ENTREP1: variants seen among roughly 807,000 people sequenced by gnomAD.
ENTREP1 encodes endosomal transmembrane epsin interactor 1.
chr9:69,354,982 C>T, the ENTREP1 span, among the ~76,000 whole-genome samples: 1 of 152,020 alleles, frequency 6.6e-6, no homozygotes, highest in South Asian at 2.1e-4. Context: ...TATATAAATT[C>T]AAGTAGTGCC....
chr9:69,377,886 G>C, the ENTREP1 span: 2 of 839,188 alleles, frequency 2.4e-6, no homozygotes, highest in East Asian at 2.8e-5. Flanking sequence ...AGGAACGTTA[G>C]CCCAATGAGT....
chr9:69,343,551 C>T, the ENTREP1 span, among the ~76,000 whole-genome samples: 3 of 152,166 alleles, frequency 2.0e-5, no homozygotes, highest in Non-Finnish European at 2.9e-5. Flanking sequence ...GGTGATCCTC[C>T]CACCTCAGCC....
chr9:69,362,184 T>G, the ENTREP1 span, among the ~76,000 whole-genome samples: 1 of 152,046 alleles, frequency 6.6e-6, no homozygotes, highest in Non-Finnish European at 1.5e-5. Context: ...AGGAGCAAAA[T>G]AAAAGTCCTT....
chr9:69,355,502 A>G, the ENTREP1 span, among the ~76,000 whole-genome samples: 2 of 152,220 alleles, frequency 1.3e-5, no homozygotes, highest in East Asian at 1.9e-4. Flanking sequence ...ACAAAGAGTC[A>G]TATAGTCTGG....
At chr9:69,368,916 T>G in the ENTREP1 span, among the ~76,000 whole-genome samples, 1 of 152,118 alleles carries the variant, frequency 6.6e-6, no homozygotes, top group Non-Finnish European at 1.5e-5. Context: ...ACACATGCCA[T>G]GATGGTTTGC....
the ENTREP1 span, among the ~76,000 whole-genome samples, chr9:69,347,329 T>C: frequency 6.6e-6 from 1 of 152,154 alleles, no homozygotes; most frequent in Non-Finnish European, 1.5e-5. Context: ...CTGTAAACAC[T>C]TGCCAAGTCC....
chr9:69,325,504 G>A, the ENTREP1 span: 1 of 956,536 alleles, frequency 1.0e-6, no homozygotes, highest in Non-Finnish European at 1.2e-6. Flanking sequence ...CTGCTGCCGG[G>A]GTGCTGGCCG....
the ENTREP1 span, among the ~76,000 whole-genome samples, chr9:69,327,595 C>T: frequency 6.7e-6 from 1 of 149,918 alleles, no homozygotes; most frequent in African/African-American, 2.5e-5. Context: ...ATCGGTCAAG[C>T]CACAGTTGAA....
chr9:69,365,932 A>T, the ENTREP1 span, among the ~76,000 whole-genome samples: 8 of 152,106 alleles, frequency 5.3e-5, no homozygotes, highest in Non-Finnish European at 1.0e-4. Context: ...TCGTCTGTTG[A>T]TGGGCATTTA....
the ENTREP1 span, among the ~76,000 whole-genome samples, chr9:69,341,772 C>T: frequency 6.6e-6 from 1 of 152,076 alleles, no homozygotes; most frequent in Admixed American, 6.6e-5. Context: ...AGCTCTCTGG[C>T]TTTGGCAGTT....
At chr9:69,329,845 C>T in the ENTREP1 span, 1 of 169,578 alleles carries the variant, frequency 5.9e-6, no homozygotes, top group Non-Finnish European at 1.0e-5. Flanking sequence ...TTAATGTTAA[C>T]TAGATTCCAC....
the ENTREP1 span, among the ~76,000 whole-genome samples, chr9:69,389,401 CTCT>C: frequency 6.6e-6 from 1 of 152,222 alleles, no homozygotes; most frequent in African/African-American, 2.4e-5. Flanking sequence ...ACCTGCTGGC[CTCT>C]TCTTACAGAA....
chr9:69,367,076 C>T, the ENTREP1 span, among the ~76,000 whole-genome samples: 46 of 145,270 alleles, frequency 3.2e-4, no homozygotes, highest in South Asian at 6.7e-3. Flanking sequence ...CCCACTACAC[C>T]TGGCTAATTA....
At chr9:69,347,857 G>T in the ENTREP1 span, among the ~76,000 whole-genome samples, 2 of 152,122 alleles carry the variant, frequency 1.3e-5, no homozygotes, top group Admixed American at 6.6e-5. Context: ...CAGGAAGAAT[G>T]ATTGATATTA....
the ENTREP1 span, chr9:69,388,129 G>T: frequency 6.2e-7 from 1 of 1,613,984 alleles, no homozygotes; most frequent in South Asian, 1.1e-5. Context: ...GTTGGCCAAT[G>T]GGTACATGTT....
the ENTREP1 span, chr9:69,383,895 G>A: frequency 6.4e-7 from 1 of 1,572,230 alleles, no homozygotes. Context: ...TGGGTCTAAT[G>A]AGGGGTGAGT....
chr9:69,329,403 T>G, the ENTREP1 span: 1 of 983,792 alleles, frequency 1.0e-6, no homozygotes, highest in Non-Finnish European at 1.2e-6. Flanking sequence ...AAGAGAGCCC[T>G]GAGCCTGAGA....
chr9:69,368,095 G>A, the ENTREP1 span, among the ~76,000 whole-genome samples: 6 of 151,614 alleles, frequency 4.0e-5, no homozygotes, highest in Non-Finnish European at 7.4e-5. Flanking sequence ...AGTCTTTTGG[G>A]GGAGTCTTTA....
the ENTREP1 span, chr9:69,377,579 G>C: frequency 6.2e-7 from 1 of 1,612,930 alleles, no homozygotes; most frequent in Non-Finnish European, 8.5e-7. Context: ...TGTAATGAAG[G>C]CTGTTGACTA....
Sources: allele counts gnomAD v4.1 joint callset (sites outside exome capture counted in the v4.1 genomes callset), GRCh38; gene constraint gnomAD v4.1.1; transcripts MANE v1.5; gene names NCBI Gene and HGNC (gene_info 2026-07-23, HGNC 2026-07-21).